PKP2: variants seen among roughly 807,000 people sequenced by gnomAD.
PKP2 encodes plakophilin 2, also known as plakophilin-2.
Under a neutral mutation model 83.4 loss-of-function variants are expected in PKP2, and 73 were observed. The observed-to-expected ratio is 0.88, with a 90% CI of 0.72 to 1.06. The LOEUF (loss-of-function observed/expected upper bound fraction) is 1.06, where lower values mean the gene tolerates loss of function less well. Ranked by LOEUF, PKP2 falls within the 50% of genes least tolerant of loss-of-function variation. The pLI is 0.00. For missense variants in PKP2, 966 were observed against 1,065.4 expected, an observed-to-expected ratio of 0.91 and a Z score of 1.30; for synonymous variants, 409 against 430.4, an observed-to-expected ratio of 0.95 and a Z score of 0.62.
chr12:32,864,551 T>TGTAC (rs1956830276), intron 4 of PKP2, among the ~76,000 whole-genome samples: 1 of 152,094 alleles, frequency 6.6e-6, no homozygotes, highest in Non-Finnish European at 1.5e-5. Context: ...GATGTTAACA[T>TGTAC]GTACCATGGT....
At chr12:32,892,110 T>C (rs1591834321) in intron 1 of PKP2, among the ~76,000 whole-genome samples, 1 of 151,990 alleles carries the variant, frequency 6.6e-6, no homozygotes, top group Non-Finnish European at 1.5e-5. Flanking sequence ...CTCACTCTTT[T>C]TTTTCCCTTT....
chr12:32,799,133 T>A (rs995996409), intron 10 of PKP2, among the ~76,000 whole-genome samples: 3 of 152,082 alleles, frequency 2.0e-5, no homozygotes, highest in Non-Finnish European at 4.4e-5. Flanking sequence ...AAAGAAGATA[T>A]ACAAATGGCA....
rs200152448 is a variant in PKP2, at chr12:32,877,953, G to T, written c.927C>A (p.Ala309=). The T allele has an allele frequency of 6.2e-7, 1 of 1,614,142 alleles. No homozygotes were observed. The highest frequency in any genetic ancestry group is 1.3e-5 in the African/African-American group (1 of 75,066). ...GCGCTCTCCTCCCGCTGGAATCCAC[G>T]GCGACACTGGGCCCAGCTTCCCTCA... The part of the protein sequence containing the change: ...RTLREAGPSV[A]VDSSGRRAHL... Residue 309 remains alanine, a synonymous_variant, in exon 3 of 13, where the codon GCC becomes GCA. Transcript: ENST00000340811.
intron 1 of PKP2, among the ~76,000 whole-genome samples, chr12:32,889,645 G>T (rs1464823146): frequency 6.6e-6 from 1 of 152,186 alleles, no homozygotes; most frequent in Non-Finnish European, 1.5e-5. Flanking sequence ...GAACTAAAAT[G>T]TGAGTATGAT....
chr12:32,799,311 A>G (rs1464074161), intron 10 of PKP2, among the ~76,000 whole-genome samples: 1 of 152,216 alleles, frequency 6.6e-6, no homozygotes, highest in Non-Finnish European at 1.5e-5. Flanking sequence ...TATGGTGAAA[A>G]GGGAACACTT....
At chr12:32,893,268 T>C (rs1372169670) in intron 1 of PKP2, 3 of 152,188 alleles carry the variant, frequency 2.0e-5, no homozygotes, top group African/African-American at 7.2e-5. Context: ...CTGGAGCTAA[T>C]AGCAGTTAAC....
At chr12:32,797,113 A>T (rs1018463738) in intron 10 of PKP2, among the ~76,000 whole-genome samples, 1 of 152,092 alleles carries the variant, frequency 6.6e-6, no homozygotes, top group Non-Finnish European at 1.5e-5. Flanking sequence ...TTAATAGTGT[A>T]TGTGAAAAAT....
intron 4 of PKP2, among the ~76,000 whole-genome samples, chr12:32,866,783 C>T (rs1345406881): frequency 6.6e-6 from 1 of 152,118 alleles, no homozygotes; most frequent in Non-Finnish European, 1.5e-5. Flanking sequence ...GTCAAACATA[C>T]ACCTACCATA....
intron 6 of PKP2, among the ~76,000 whole-genome samples, chr12:32,837,962 T>C (rs1429358428): frequency 3.0e-4 from 45 of 152,220 alleles, no homozygotes; most frequent in Admixed American, 2.9e-3. Flanking sequence ...TACCATTCAA[T>C]CCAGCAATCC....
intron 4 of PKP2, among the ~76,000 whole-genome samples, chr12:32,854,331 G>A (rs997694513): frequency 6.6e-6 from 1 of 152,208 alleles, no homozygotes; most frequent in African/African-American, 2.4e-5. Flanking sequence ...GATAAAGGCC[G>A]AAATCCGGCT....
chr12:32,813,886 G>A (rs1436765372), intron 9 of PKP2, among the ~76,000 whole-genome samples: 2 of 152,044 alleles, frequency 1.3e-5, no homozygotes, highest in Non-Finnish European at 2.9e-5. Context: ...GACTCTCAAA[G>A]TGTCCATGAC....
chr12:32,856,749 T>G (rs1400882083), intron 4 of PKP2, among the ~76,000 whole-genome samples: 2 of 150,054 alleles, frequency 1.3e-5, no homozygotes, highest in Admixed American at 1.3e-4. Flanking sequence ...ACTTAAAGTA[T>G]AATTAAAAAA....
intron 4 of PKP2, among the ~76,000 whole-genome samples, chr12:32,855,376 C>T (rs1439685712): frequency 6.6e-6 from 1 of 151,056 alleles, no homozygotes; most frequent in Admixed American, 6.6e-5. Context: ...ACATGTCAGG[C>T]ACACAGTAGT....
At chr12:32,819,026 C>T (rs1243516023) in intron 9 of PKP2, among the ~76,000 whole-genome samples, 1 of 151,930 alleles carries the variant, frequency 6.6e-6, no homozygotes, top group Non-Finnish European at 1.5e-5. Context: ...ACCTATAATC[C>T]CAGCACTCTG....
chr12:32,871,528 C>T (rs971910261), intron 3 of PKP2, among the ~76,000 whole-genome samples: 7 of 151,984 alleles, frequency 4.6e-5, no homozygotes, highest in East Asian at 1.9e-4. Flanking sequence ...TGCAGTGGCA[C>T]GATCTCGGCT....
intron 5 of PKP2, among the ~76,000 whole-genome samples, chr12:32,848,620 T>C (rs994612509): frequency 2.6e-5 from 4 of 152,070 alleles, no homozygotes; most frequent in African/African-American, 9.7e-5. Context: ...ACATTGGGTA[T>C]ACATGGACTT....
At chr12:32,804,452 C>G (rs1422494667) in intron 9 of PKP2, among the ~76,000 whole-genome samples, 1 of 152,144 alleles carries the variant, frequency 6.6e-6, no homozygotes, top group Non-Finnish European at 1.5e-5. Context: ...CAGTGATGCT[C>G]TCCCTCATCC....
At chr12:32,823,075 A>G (rs1956398253) in intron 7 of PKP2, among the ~76,000 whole-genome samples, 2 of 152,188 alleles carry the variant, frequency 1.3e-5, no homozygotes, top group Non-Finnish European at 2.9e-5. Context: ...ACAGCACACA[A>G]TTACTCAGAT....
intron 10 of PKP2, among the ~76,000 whole-genome samples, chr12:32,799,957 T>C (rs1956164742): frequency 6.6e-6 from 1 of 152,240 alleles, no homozygotes; most frequent in South Asian, 2.1e-4. Context: ...TAATATTTGA[T>C]AAATCCACTG....
Sources: gnomAD v4.1 joint callset for allele counts (sites outside exome capture counted in the v4.1 genomes callset) on GRCh38, gnomAD v4.1.1 for gene constraint, MANE v1.5 for transcripts, NCBI Gene and HGNC (gene_info 2026-07-23, HGNC 2026-07-21) for gene names.